Variants in SLIT3 observed in about 807,000 individuals in gnomAD.
The protein encoded by SLIT3 is slit guidance ligand 3.
Under a neutral mutation model 184.0 loss-of-function variants are expected in SLIT3, and 68 were observed. The ratio of observed to expected loss-of-function variants is 0.37; its 90% CI spans 0.30 to 0.45. The LOEUF (loss-of-function observed/expected upper bound fraction) is 0.45, where lower values mean the gene tolerates loss of function less well. Among genes scored for constraint, SLIT3 ranks in the 20% least tolerant of loss-of-function variants. The pLI, the probability that SLIT3 is intolerant of heterozygous loss-of-function variation, is 1.00. For synonymous variants in SLIT3, 831 were observed against 828.6 expected (o/e 1.00, Z -0.05); for missense variants, 1,707 against 2,026.0 (o/e 0.84, Z 3.02).
intron 10 of SLIT3, chr5:168,790,546 T>G (rs1195625079): frequency 6.6e-6 from 1 of 152,110 alleles, no homozygotes; most frequent in South Asian, 2.1e-4. Flanking sequence ...TCTCTTAGAG[T>G]CATTAGCTCA....
At chr5:168,714,969 T>C (rs1277688082) in intron 23 of SLIT3, among the ~76,000 whole-genome samples, 1 of 152,212 alleles carries the variant, frequency 6.6e-6, no homozygotes, top group Non-Finnish European at 1.5e-5. Context: ...AGTTCTGGGC[T>C]GCGCGAACCT....
At chr5:168,754,282 A>G (rs1038887135) in intron 16 of SLIT3, among the ~76,000 whole-genome samples, 2 of 152,184 alleles carry the variant, frequency 1.3e-5, no homozygotes, top group African/African-American at 4.8e-5. Context: ...TGGTGTATAT[A>G]TGCACAATGG....
intron 3 of SLIT3, among the ~76,000 whole-genome samples, chr5:169,234,311 G>A (rs777724993): frequency 2.0e-5 from 3 of 152,158 alleles, no homozygotes; most frequent in Non-Finnish European, 2.9e-5. Flanking sequence ...AATTCCAGAC[G>A]CAGTCACATT....
intron 4 of SLIT3, among the ~76,000 whole-genome samples, chr5:169,132,330 A>C (rs1413746366): frequency 6.6e-6 from 1 of 152,202 alleles, no homozygotes; most frequent in Non-Finnish European, 1.5e-5. Flanking sequence ...GAGGAAAAAG[A>C]AGGCATGCCA....
At chr5:169,145,303 C>T (rs769153106) in intron 4 of SLIT3, among the ~76,000 whole-genome samples, 1 of 152,090 alleles carries the variant, frequency 6.6e-6, no homozygotes, top group African/African-American at 2.4e-5. Flanking sequence ...TATTATTGCT[C>T]GATGCCCACT....
intron 4 of SLIT3, among the ~76,000 whole-genome samples, chr5:168,896,678 C>A (rs1760673702): frequency 6.6e-6 from 1 of 152,204 alleles, no homozygotes; most frequent in South Asian, 2.1e-4. Flanking sequence ...AGCCTCCCAG[C>A]CCCTACGAGG....
chr5:169,109,430 T>A (rs1306924615), intron 4 of SLIT3, among the ~76,000 whole-genome samples: 1 of 152,176 alleles, frequency 6.6e-6, no homozygotes, highest in Non-Finnish European at 1.5e-5. Flanking sequence ...CAGATGAAAA[T>A]GCAGTCCAAC....
chr5:168,904,667 T>C (rs1760986081), intron 4 of SLIT3, among the ~76,000 whole-genome samples: 1 of 152,060 alleles, frequency 6.6e-6, no homozygotes, highest in African/African-American at 2.4e-5. Context: ...GTCAGGAAGG[T>C]GAACTGCTAT....
chr5:168,954,393 A>G (rs1762754076), intron 4 of SLIT3, among the ~76,000 whole-genome samples: 1 of 152,100 alleles, frequency 6.6e-6, no homozygotes, highest in East Asian at 1.9e-4. Flanking sequence ...TGTTAGAAAC[A>G]CTGGCTTAGT....
intron 4 of SLIT3, among the ~76,000 whole-genome samples, chr5:168,889,599 T>A (rs921240936): frequency 3.3e-5 from 5 of 152,250 alleles, no homozygotes; most frequent in African/African-American, 9.6e-5. Flanking sequence ...CCCTCACAGA[T>A]TCATCAGAAA....
chr5:169,240,720 T>C (rs1275962750), intron 3 of SLIT3, among the ~76,000 whole-genome samples: 1 of 151,636 alleles, frequency 6.6e-6, no homozygotes, highest in African/African-American at 2.4e-5. Flanking sequence ...TGCATTTACA[T>C]ATAAGGTAAT....
chr5:168,889,875 C>T (rs1345392026), intron 4 of SLIT3, among the ~76,000 whole-genome samples: 2 of 152,006 alleles, frequency 1.3e-5, no homozygotes, highest in Non-Finnish European at 2.9e-5. Flanking sequence ...GATGGGTGGC[C>T]GCTCATGCCT....
intron 2 of SLIT3, among the ~76,000 whole-genome samples, chr5:169,245,597 G>T (rs945410670): frequency 2.0e-5 from 3 of 152,180 alleles, no homozygotes; most frequent in Non-Finnish European, 4.4e-5. Context: ...GGCTGAATGG[G>T]ACTTAACGGG....
chr5:169,240,432 T>C (rs1181312214), intron 3 of SLIT3, among the ~76,000 whole-genome samples: 1 of 151,784 alleles, frequency 6.6e-6, no homozygotes, highest in African/African-American at 2.4e-5. Flanking sequence ...CACATACAAA[T>C]ACAGATTTGG....
intron 4 of SLIT3, among the ~76,000 whole-genome samples, chr5:169,182,020 C>T (rs1035634493): frequency 7.2e-5 from 11 of 152,146 alleles, no homozygotes; most frequent in Admixed American, 2.0e-4. Context: ...GCCCCAGACA[C>T]GCCAACAAGA....
chr5:169,254,956 A>T (rs1765898503), intron 1 of SLIT3, among the ~76,000 whole-genome samples: 1 of 152,274 alleles, frequency 6.6e-6, no homozygotes, highest in Non-Finnish European at 1.5e-5. Flanking sequence ...GTCATGTAAC[A>T]TATAGCAATG....
At chr5:169,244,290 G>A (rs1016937932) in intron 3 of SLIT3, among the ~76,000 whole-genome samples, 2 of 152,264 alleles carry the variant, frequency 1.3e-5, no homozygotes, top group Non-Finnish European at 2.9e-5. Flanking sequence ...ACTCAGGGAG[G>A]AGAAGGCCTC....
intron 5 of SLIT3, among the ~76,000 whole-genome samples, chr5:168,881,146 G>C (rs182325392): frequency 7.2e-5 from 11 of 152,178 alleles, no homozygotes; most frequent in Non-Finnish European, 1.5e-4. Context: ...TATAAACAAA[G>C]AGAAGATCCT....
chr5:169,025,483 C>T (rs1756780861), intron 4 of SLIT3, among the ~76,000 whole-genome samples: 1 of 152,192 alleles, frequency 6.6e-6, no homozygotes, highest in African/African-American at 2.4e-5. Context: ...ATTCCTTGCT[C>T]TTCTTTCTTT....
Sources: allele counts gnomAD v4.1 joint callset (sites outside exome capture counted in the v4.1 genomes callset), GRCh38; gene constraint gnomAD v4.1.1; transcripts MANE v1.5; gene names NCBI Gene and HGNC (gene_info 2026-07-23, HGNC 2026-07-21).